Variants in ABCB5 observed in about 807,000 individuals in gnomAD.
The protein encoded by ABCB5 is ATP-binding cassette sub-family B member 5.
A neutral mutation model predicts 144.2 loss-of-function variants in ABCB5; 155 were observed. The ratio of observed to expected loss-of-function variants is 1.08; its 90% confidence interval spans 0.94 to 1.23. ABCB5 has a LOEUF of 1.23. Ranked by LOEUF, ABCB5 falls within the 50% of genes most tolerant of loss-of-function variation. The pLI is 0.00. For synonymous variants in ABCB5, 610 were observed against 528.6 expected (o/e 1.15, Z -2.11); for missense variants, 1,830 against 1,520.8 (o/e 1.20, Z -3.38).
chr7:20,647,744 A>T (rs1237278659), intron 10 of ABCB5, 96 bp downstream of exon 10: 2 of 1,492,598 alleles, frequency 1.3e-6, no homozygotes, highest in Admixed American at 5.1e-5. Context: ...AATAGGATGG[A>T]CAAATTTAAT....
chr7:20,734,117 C>A (rs1223884589), intron 23 of ABCB5, among the ~76,000 whole-genome samples: 1 of 152,000 alleles, frequency 6.6e-6, no homozygotes, highest in African/African-American at 2.4e-5. Flanking sequence ...GTCTTCAACA[C>A]CAAAGAGGAT....
At chr7:20,672,149 C>G (rs1401335594) in intron 14 of ABCB5, among the ~76,000 whole-genome samples, 5 of 151,954 alleles carry the variant, frequency 3.3e-5, no homozygotes, top group African/African-American at 1.2e-4. Flanking sequence ...CCATTTTATA[C>G]TGAGTTGTTT....
At chr7:20,711,832 C>CTTTCT (rs1787064775) in intron 20 of ABCB5, among the ~76,000 whole-genome samples, 1 of 56,168 alleles carries the variant, frequency 1.8e-5, no homozygotes, top group Non-Finnish European at 2.8e-5. Context: ...TTCTTTCTTT[C>CTTTCT]TTTCTTTCTT....
At chr7:20,729,422 C>T (rs1472440166) in intron 23 of ABCB5, among the ~76,000 whole-genome samples, 3 of 152,112 alleles carry the variant, frequency 2.0e-5, no homozygotes, top group African/African-American at 7.2e-5. Flanking sequence ...AGAAGAAACA[C>T]ATATAAATGA....
intron 20 of ABCB5, among the ~76,000 whole-genome samples, chr7:20,721,593 T>A (rs1487885714): frequency 6.6e-6 from 1 of 152,214 alleles, no homozygotes; most frequent in East Asian, 1.9e-4. Context: ...TAGCAACTCT[T>A]GCCTCTCCAA....
At chr7:20,720,493 C>G (rs1244837596) in intron 20 of ABCB5, among the ~76,000 whole-genome samples, 1 of 152,092 alleles carries the variant, frequency 6.6e-6, no homozygotes, top group Non-Finnish European at 1.5e-5. Flanking sequence ...AACTGCGTGC[C>G]ACTTGATAGG....
Position 20,723,204 on chromosome 7 carries a change from T to C in ABCB5, c.2610T>C (p.Leu870=), listed in dbSNP as rs1013824003. Residue 870 remains leucine (L), a synonymous_variant, in exon 21 of 28, where the codon CTT becomes CTC. Coordinates refer to ENST00000404938, the MANE Select transcript of ABCB5 (RefSeq NM_001163941.2). ...TTGCCAACAAAGATAAGCAAGAACT[T>C]AAGCATGCTGGAAAGGTAAAATGAA... The part of the protein sequence containing the change: ...TGFANKDKQE[L]KHAGKIATEA... The C allele has an allele frequency of 1.2e-6, 2 of 1,613,982 alleles. No homozygotes were observed. The highest frequency in any genetic ancestry group is 1.7e-6 in the Non-Finnish European group (2 of 1,180,022).
Position 20,713,237 on chromosome 7 carries a change from A to ATT in ABCB5, c.2421+8442_2421+8443dup, listed in dbSNP as rs113757659. On this transcript the variant is annotated intron_variant, in intron 20 of 27. Transcript: ENST00000404938. ...ATTTTGCCACTTTGCATGCCTGGGA[A>ATT]TTTTTTTTTTTTTCCAGACAGGGTC... Among the ~76,000 whole-genome samples the ATT allele has an allele frequency of 8.0e-3, 1,128 of 141,130 alleles. 75 individuals carry two copies. The highest frequency in any genetic ancestry group is 0.028 in the African/African-American group (1,074 of 38,328). 92.6% of individuals were successfully genotyped at this position (141,130 alleles called of 152,430 possible). A position where few individuals can be genotyped will look rare whatever the true frequency, so the allele number is the denominator to read the frequency against.
At chr7:20,703,732 A>G (rs1309828708) in intron 19 of ABCB5, among the ~76,000 whole-genome samples, 2 of 152,224 alleles carry the variant, frequency 1.3e-5, no homozygotes, top group African/African-American at 2.4e-5. Flanking sequence ...TTCAATAGCT[A>G]TAAGAGGAAA....
intron 7 of ABCB5, among the ~76,000 whole-genome samples, chr7:20,644,394 A>G (rs535752202): frequency 2.0e-5 from 3 of 152,322 alleles, no homozygotes; most frequent in Admixed American, 2.0e-4. Context: ...TTTATACTTC[A>G]GTAAGGCTTT....
intron 27 of ABCB5, 71 bp from the exon 28 acceptor site, chr7:20,755,352 CTTAA>C: frequency 7.4e-7 from 1 of 1,351,818 alleles, no homozygotes; most frequent in Non-Finnish European, 1.0e-6. Flanking sequence ...ATTAGACTAC[CTTAA>C]TTGATTTGAC....
At chr7:20,699,654 C>G (rs1299612597) in intron 17 of ABCB5, among the ~76,000 whole-genome samples, 171 bp from the exon 18 acceptor site, 1 of 151,714 alleles carries the variant, frequency 6.6e-6, no homozygotes, top group African/African-American at 2.4e-5. Flanking sequence ...TGAGCCAAGA[C>G]TGAGATCGCA....
At chr7:20,742,720 A>G (rs1427685737) in intron 24 of ABCB5, among the ~76,000 whole-genome samples, 157 bp from the exon 25 acceptor site, 1 of 152,196 alleles carries the variant, frequency 6.6e-6, no homozygotes, top group Non-Finnish European at 1.5e-5. Flanking sequence ...ACAGAAACCC[A>G]CTTGCAGTCA....
chr7:20,646,898 A>G (rs1311516919), intron 9 of ABCB5, among the ~76,000 whole-genome samples: 1 of 152,184 alleles, frequency 6.6e-6, no homozygotes, highest in African/African-American at 2.4e-5. Context: ...GTGAGCATGA[A>G]CGATTTTTCA....
At chr7:20,726,513 T>C (rs1384891605) in intron 21 of ABCB5, among the ~76,000 whole-genome samples, 1 of 151,940 alleles carries the variant, frequency 6.6e-6, no homozygotes, top group East Asian at 1.9e-4. Context: ...ATTACAGACA[T>C]GTGCCACCAT....
chr7:20,688,925 C>G (rs554725283), intron 16 of ABCB5, among the ~76,000 whole-genome samples: 1 of 151,686 alleles, frequency 6.6e-6, no homozygotes, highest in South Asian at 2.1e-4. Context: ...AACGAGAACA[C>G]TTGGACACAG....
At chr7:20,750,934 G>C (rs78319747) in intron 26 of ABCB5, among the ~76,000 whole-genome samples, 1 of 152,172 alleles carries the variant, frequency 6.6e-6, no homozygotes, top group African/African-American at 2.4e-5. Flanking sequence ...CACACACCAG[G>C]TGTGGTTCTC....
chr7:20,744,042 T>G (rs928145690), intron 25 of ABCB5, among the ~76,000 whole-genome samples: 5 of 152,014 alleles, frequency 3.3e-5, no homozygotes, highest in Non-Finnish European at 5.9e-5. Flanking sequence ...TTCTGTTTTT[T>G]GGGGGGCTTT....
At chr7:20,732,241 TACC>T (rs370681443) in intron 23 of ABCB5, among the ~76,000 whole-genome samples, 6 of 152,252 alleles carry the variant, frequency 3.9e-5, no homozygotes, top group African/African-American at 1.4e-4. Context: ...ACCTTTTTCT[TACC>T]ACTCAGGCTT....
Sources: gnomAD v4.1 joint callset for allele counts (sites outside exome capture counted in the v4.1 genomes callset) on GRCh38, gnomAD v4.1.1 for gene constraint, MANE v1.5 for transcripts, NCBI Gene and HGNC (gene_info 2026-07-23, HGNC 2026-07-21) for gene names.